Variants in NTRK2 observed in about 807,000 individuals in gnomAD.
NTRK2 encodes the protein BDNF/NT-3 growth factors receptor.
A neutral mutation model predicts 94.5 loss-of-function variants in NTRK2; 13 were observed. That is an observed-to-expected ratio of 0.14 (90% confidence interval 0.09 to 0.22). NTRK2 has a LOEUF of 0.22. Ranked by LOEUF, NTRK2 falls within the 10% of genes least tolerant of loss-of-function variation. The pLI is 1.00. For missense variants in NTRK2, 639 were observed against 1,071.2 expected (o/e 0.60, Z 5.63); for synonymous variants, 372 against 407.4 (o/e 0.91, Z 1.05).
intron 14 of NTRK2, among the ~76,000 whole-genome samples, chr9:84,925,685 G>A (rs949139261): frequency 2.6e-5 from 4 of 152,184 alleles, no homozygotes; most frequent in Non-Finnish European, 4.4e-5. Flanking sequence ...AAAGGCCGGA[G>A]AGGAAAGATG....
At chr9:84,876,628 T>G (rs201463907) in intron 14 of NTRK2, 1 of 1,058,802 alleles carries the variant, frequency 9.4e-7, no homozygotes, top group Non-Finnish European at 1.1e-6. Context: ...ATCAATATCT[T>G]TACCCACATG....
chr9:84,680,446 G>A (rs2059324431), intron 2 of NTRK2, among the ~76,000 whole-genome samples: 1 of 152,178 alleles, frequency 6.6e-6, no homozygotes, highest in South Asian at 2.1e-4. Context: ...CTGCATTAGA[G>A]TAAGCTGCAA....
chr9:84,685,809 C>A (rs1414618991), intron 2 of NTRK2, among the ~76,000 whole-genome samples: 1 of 152,226 alleles, frequency 6.6e-6, no homozygotes, highest in Non-Finnish European at 1.5e-5. Flanking sequence ...CCACTACATG[C>A]TCTTATAGCC....
intron 10 of NTRK2, among the ~76,000 whole-genome samples, chr9:84,743,518 G>A (rs2063818825): frequency 6.6e-6 from 1 of 152,120 alleles, no homozygotes; most frequent in Non-Finnish European, 1.5e-5. Context: ...TTTTGCATAT[G>A]ATTTGTGTGT....
intron 8 of NTRK2, among the ~76,000 whole-genome samples, chr9:84,724,620 A>G (rs907386900): frequency 6.6e-6 from 1 of 151,584 alleles, no homozygotes; most frequent in African/African-American, 2.4e-5. Context: ...CTTTTTTCTG[A>G]TAGAATATAC....
chr9:84,891,429 A>G (rs1324364619), intron 14 of NTRK2, among the ~76,000 whole-genome samples: 1 of 152,114 alleles, frequency 6.6e-6, no homozygotes, highest in Middle Eastern at 3.4e-3. Context: ...AATTTTGCAC[A>G]CTCTTCCAGA....
chr9:84,728,423 TGGGTATCTTATGAGAAAA>T (rs1335689439), intron 9 of NTRK2, among the ~76,000 whole-genome samples: 3 of 152,186 alleles, frequency 2.0e-5, no homozygotes, highest in African/African-American at 7.2e-5. Context: ...CCAGGATGCT[TGGGTATCTTATGAGAAAA>T]GGGTTATTAT....
chr9:84,852,942 C>A (rs923964314), intron 12 of NTRK2, among the ~76,000 whole-genome samples: 1 of 151,840 alleles, frequency 6.6e-6, no homozygotes, highest in Non-Finnish European at 1.5e-5. Flanking sequence ...AATATCTGAC[C>A]TCTAGTAAGT....
chr9:84,933,964 T>C (rs2078127680), intron 14 of NTRK2, among the ~76,000 whole-genome samples, 198 bp from the exon 15 acceptor site: 2 of 152,190 alleles, frequency 1.3e-5, no homozygotes, highest in African/African-American at 2.4e-5. Context: ...AACTGAGTTC[T>C]GGAGAAAAAG....
At chr9:84,692,491 G>A in intron 2 of NTRK2, among the ~76,000 whole-genome samples, 1 of 92,834 alleles carries the variant, frequency 1.1e-5, no homozygotes, top group Admixed American at 1.6e-4. Flanking sequence ...TTTTTTTTGA[G>A]ACAGAGTCTC....
intron 12 of NTRK2, among the ~76,000 whole-genome samples, chr9:84,850,989 T>G (rs1025252434): frequency 1.3e-5 from 2 of 152,182 alleles, no homozygotes; most frequent in African/African-American, 4.8e-5. Context: ...AATTCTACCC[T>G]TGTTGGTCAA....
At chr9:84,833,186 G>A (rs1179367954) in intron 12 of NTRK2, among the ~76,000 whole-genome samples, 1 of 152,138 alleles carries the variant, frequency 6.6e-6, no homozygotes. Context: ...GCACACTAAG[G>A]TCTGACAGCC....
At chr9:84,797,634 T>TAA (rs2069579986) in intron 12 of NTRK2, among the ~76,000 whole-genome samples, 6 of 68,734 alleles carry the variant, frequency 8.7e-5, no homozygotes, top group Admixed American at 5.3e-4. Context: ...ATATTATATA[T>TAA]TATATATACT....
At chr9:84,815,266 C>T (rs186878367) in intron 12 of NTRK2, 2 of 1,053,804 alleles carry the variant, frequency 1.9e-6, no homozygotes, top group Non-Finnish European at 2.3e-6. Context: ...ATGTGTTGAA[C>T]CAACCCCCAC....
At chr9:84,752,269 A>T (rs1280230120) in intron 12 of NTRK2, among the ~76,000 whole-genome samples, 184 bp downstream of exon 12, 14 of 152,250 alleles carry the variant, frequency 9.2e-5, no homozygotes. Context: ...ATTACTCAGC[A>T]CTACCCACTT....
intron 9 of NTRK2, among the ~76,000 whole-genome samples, chr9:84,734,723 T>C (rs2063131740): frequency 6.6e-6 from 1 of 152,166 alleles, no homozygotes; most frequent in South Asian, 2.1e-4. Flanking sequence ...CGTGTCTTGC[T>C]TCCCCTTCAC....
chr9:84,792,625 C>T (rs190040748), intron 12 of NTRK2, among the ~76,000 whole-genome samples: 2 of 152,144 alleles, frequency 1.3e-5, no homozygotes, highest in Non-Finnish European at 2.9e-5. Context: ...AGTGGTCAAA[C>T]GTAGACATTT....
chr9:84,948,398 CT>C, intron 15 of NTRK2, 63 bp from the exon 16 acceptor site: 1 of 1,512,190 alleles, frequency 6.6e-7, no homozygotes, highest in Non-Finnish European at 9.1e-7. Flanking sequence ...AGATGGATGT[CT>C]TTCCTATCTC....
chr9:84,754,427 C>G (rs558096514), intron 12 of NTRK2, among the ~76,000 whole-genome samples: 95 of 152,024 alleles, frequency 6.2e-4, no homozygotes, highest in African/African-American at 2.2e-3. Flanking sequence ...GTTGATAAAT[C>G]TTTGGGGATC....
Sources: gnomAD v4.1 joint callset for allele counts (sites outside exome capture counted in the v4.1 genomes callset) on GRCh38, gnomAD v4.1.1 for gene constraint, MANE v1.5 for transcripts, NCBI Gene and HGNC (gene_info 2026-07-23, HGNC 2026-07-21) for gene names.